Variants in SLCO1A2 observed in about 807,000 individuals in gnomAD.
The protein encoded by SLCO1A2 is OATP-1.
SLCO1A2 carries 67 observed loss-of-function variants against 69.0 expected under a neutral mutation model. The observed-to-expected ratio is 0.97, with a 90% CI of 0.80 to 1.19. SLCO1A2 has a LOEUF of 1.19. Ranked by LOEUF, SLCO1A2 falls within the 50% of genes most tolerant of loss-of-function variation. The probability of loss-of-function intolerance (pLI) is 0.00; values close to 1 mark genes in which losing one functional copy is unlikely to be tolerated. For synonymous variants in SLCO1A2, 260 were observed against 265.9 expected, an observed-to-expected ratio of 0.98 and a Z score of 0.22; for missense variants, 787 against 793.7, an observed-to-expected ratio of 0.99 and a Z score of 0.10.
At chr12:21,418,501 G>A (rs12318689), upstream of SLCO1A2, among the ~76,000 whole-genome samples, 14,164 of 152,122 alleles carry the variant, frequency 0.093, 957 homozygotes, top group African/African-American at 0.2. Flanking sequence ...ATGTGGCTAG[G>A]GAGGCCTCAT....
intron 3 of SLCO1A2, among the ~76,000 whole-genome samples, chr12:21,316,733 C>T (rs1950913069): frequency 6.6e-6 from 1 of 152,054 alleles, no homozygotes; most frequent in African/African-American, 2.4e-5. Flanking sequence ...CACCCTATAT[C>T]CTCTCCCTGA....
rs1006660859 is a variant in SLCO1A2 at position 21,266,125 on chromosome 12, A to G, written c.*3423T>C. On this transcript the variant is annotated 3_prime_UTR_variant, in exon 15 of 15. Coordinates refer to ENST00000683939, the MANE Select transcript of SLCO1A2 (RefSeq NM_001386879.1). ...GGACCCACAAAGAGGACGTTCACCT[A>G]TGAATCAGCCAGTATCTGATCTAAC... 1 of 152,190 alleles carries G rather than the reference A, an allele frequency of 6.6e-6. No homozygotes were observed. The highest frequency in any genetic ancestry group is 1.5e-5 in the Non-Finnish European group (1 of 68,028). 9.4% of individuals were successfully genotyped at this position (152,190 alleles called of 1,614,324 possible).
intron 2 of SLCO1A2, among the ~76,000 whole-genome samples, chr12:21,359,879 C>A (rs1406279193): frequency 1.3e-5 from 2 of 152,070 alleles, no homozygotes; most frequent in Non-Finnish European, 2.9e-5. Context: ...TAGCCTCAAA[C>A]TAGAAACAAC....
At chr12:21,377,204 C>T (rs749544858) in intron 1 of SLCO1A2, among the ~76,000 whole-genome samples, 4 of 152,048 alleles carry the variant, frequency 2.6e-5, no homozygotes, top group Non-Finnish European at 5.9e-5. Context: ...TAACATTTAA[C>T]CTAGTCTTAT....
chr12:21,338,489 C>T (rs1952961390), upstream of SLCO1A2, among the ~76,000 whole-genome samples: 1 of 151,808 alleles, frequency 6.6e-6, no homozygotes, highest in Non-Finnish European at 1.5e-5. Flanking sequence ...TTTTCCATCC[C>T]CTGGCCCCCA....
rs1015061107 is a variant in SLCO1A2, at chr12:21,373,286, A to C, written c.-63+1113T>G. ...TAAGCTCTAATTTAAAATTACATCA[A>C]TTAGAACTGTAAGAAATCTCTTGAT... On this transcript the variant is annotated intron_variant, in intron 2 of 15. Transcript: ENST00000307378. The C allele has an allele frequency of 2.7e-6, 3 of 1,096,972 alleles. 1 individual carries two copies. In the South Asian group the frequency reaches 3.7e-5, roughly 14 times the overall value. 68.0% of individuals were successfully genotyped at this position (1,096,972 alleles called of 1,614,324 possible). A position where few individuals can be genotyped will look rare whatever the true frequency, so the allele number is the denominator to read the frequency against.
intron 3 of SLCO1A2, among the ~76,000 whole-genome samples, chr12:21,318,264 G>A (rs902437132): frequency 4.6e-5 from 7 of 151,840 alleles, no homozygotes; most frequent in Non-Finnish European, 7.4e-5. Flanking sequence ...GACTACAGGC[G>A]CCCGCCACCA....
intron 2 of SLCO1A2, among the ~76,000 whole-genome samples, chr12:21,367,457 G>A (rs1480582102): frequency 6.6e-6 from 1 of 152,076 alleles, no homozygotes. Flanking sequence ...GGCTATAGGA[G>A]AAAGATTTCC....
At chr12:21,408,710 A>ACGCGTGTG (rs1430236005) in intron 1 of SLCO1A2, among the ~76,000 whole-genome samples, 1 of 106,482 alleles carries the variant, frequency 9.4e-6, no homozygotes, top group Non-Finnish European at 2.0e-5. Flanking sequence ...GCCTCAGCGC[A>ACGCGTGTG]TGCGTGTGTG....
chr12:21,309,116 T>G (rs1401222814), intron 4 of SLCO1A2, among the ~76,000 whole-genome samples: 1 of 152,080 alleles, frequency 6.6e-6, no homozygotes, highest in East Asian at 1.9e-4. Context: ...AGAAAGCCAT[T>G]CAAAGGCATG....
At chr12:21,391,503 T>C (rs181215409) in intron 1 of SLCO1A2, among the ~76,000 whole-genome samples, 2 of 152,128 alleles carry the variant, frequency 1.3e-5, no homozygotes, top group Admixed American at 6.5e-5. Context: ...TAATGTATTA[T>C]TGAAAAATAC....
At chr12:21,310,100 T>A (rs1209139118) in intron 4 of SLCO1A2, among the ~76,000 whole-genome samples, 2 of 152,180 alleles carry the variant, frequency 1.3e-5, no homozygotes, top group Non-Finnish European at 2.9e-5. Flanking sequence ...TAAAAAAGAT[T>A]TACATAATTA....
chr12:21,272,210 A>G (rs2136064180), intron 14 of SLCO1A2, among the ~76,000 whole-genome samples: 1 of 151,946 alleles, frequency 6.6e-6, no homozygotes, highest in Non-Finnish European at 1.5e-5. Flanking sequence ...TTATCCATGT[A>G]TTCATGTAGA....
At chr12:21,410,352 T>G (rs916384340) in intron 1 of SLCO1A2, among the ~76,000 whole-genome samples, 10 of 152,232 alleles carry the variant, frequency 6.6e-5, no homozygotes, top group Admixed American at 3.9e-4. Context: ...ACTTTATATA[T>G]AGAGAGATCG....
At chr12:21,362,278 A>C (rs1938968581) in intron 2 of SLCO1A2, among the ~76,000 whole-genome samples, 1 of 152,168 alleles carries the variant, frequency 6.6e-6, no homozygotes, top group Non-Finnish European at 1.5e-5. Flanking sequence ...TTCAACCCAG[A>C]ATTTCATACC....
At chr12:21,370,574 G>T (rs1390696214) in intron 2 of SLCO1A2, among the ~76,000 whole-genome samples, 1 of 149,016 alleles carries the variant, frequency 6.7e-6, no homozygotes, top group Non-Finnish European at 1.5e-5. Flanking sequence ...GTGAGAACGT[G>T]CAGTGTTTCG....
Position 21,394,612 on chromosome 12 carries a change from G to C in SLCO1A2, c.-190+294C>G, listed in dbSNP as rs145358731. 7.8e-3 allele frequency among the ~76,000 whole-genome samples: 1,181 copies of C among 151,210 alleles called. 18 individuals are homozygous for C. The highest frequency in any genetic ancestry group is 0.028 in the African/African-American group (1,140 of 41,200). On this transcript the variant is annotated intron_variant, in intron 1 of 15. Coordinates refer to the SLCO1A2 transcript ENST00000307378. ...AAACAAAAAAAAAAGAAAAAGAAAA[G>C]TGCAGGGAGACATACTGCAGTTAGA...
chr12:21,337,721 A>G (rs1054523889), upstream of SLCO1A2, among the ~76,000 whole-genome samples: 8 of 151,966 alleles, frequency 5.3e-5, no homozygotes, highest in Non-Finnish European at 2.9e-5. Context: ...GGCTTTTTGT[A>G]TTTTGTCTAC....
intron 3 of SLCO1A2, among the ~76,000 whole-genome samples, chr12:21,318,415 G>A (rs544254265): frequency 3.9e-5 from 6 of 152,188 alleles, no homozygotes; most frequent in East Asian, 1.9e-4. Context: ...CACCTCGCCC[G>A]GCGGTCTTCT....
Sources: allele counts gnomAD v4.1 joint callset (sites outside exome capture counted in the v4.1 genomes callset), GRCh38; gene constraint gnomAD v4.1.1; transcripts MANE v1.5; gene names NCBI Gene and HGNC (gene_info 2026-07-23, HGNC 2026-07-21).